Variants in SYT1 observed in about 807,000 individuals in gnomAD.
SYT1 encodes the protein synaptotagmin 1.
Under a neutral mutation model 44.8 loss-of-function variants are expected in SYT1, and 8 were observed. That is an observed-to-expected ratio of 0.18 (90% CI 0.10 to 0.32). The LOEUF is 0.32. Ranked by LOEUF, SYT1 falls within the 10% of genes least tolerant of loss-of-function variation. The pLI, the probability that SYT1 is intolerant of heterozygous loss-of-function variation, is 1.00. For missense variants in SYT1, 286 were observed against 509.3 expected, an observed-to-expected ratio of 0.56 and a Z score of 4.22; for synonymous variants, 154 against 188.8, an observed-to-expected ratio of 0.82 and a Z score of 1.51.
intron 4 of SYT1, among the ~76,000 whole-genome samples, chr12:79,276,000 C>A (rs1186361397): frequency 6.6e-6 from 1 of 152,142 alleles, no homozygotes; most frequent in Non-Finnish European, 1.5e-5. Context: ...ACATGGAAAG[C>A]ACCCAGAGCC....
chr12:78,876,489 A>G lies in SYT1; in HGVS notation c.-217+11380A>G, dbSNP rs573008038. Among the ~76,000 whole-genome samples, 12 of 125,934 alleles carry G rather than the reference A, an allele frequency of 9.5e-5. No homozygotes were observed. In the South Asian group the frequency reaches 1.7e-3, roughly 17 times the overall value. 82.6% of individuals were successfully genotyped at this position (125,934 alleles called of 152,430 possible). On this transcript the variant is annotated intron_variant, in intron 1 of 10. Coordinates refer to ENST00000261205, the MANE Select transcript of SYT1 (RefSeq NM_005639.3). ...TTTTTTTTTTTTTTTTTTTTGCCAA[A>G]CTACTCTGCTCCATCAGGCTCTTTT...
At chr12:78,982,562 G>C (rs931388871) in intron 2 of SYT1, among the ~76,000 whole-genome samples, 6 of 152,028 alleles carry the variant, frequency 3.9e-5, no homozygotes, top group Admixed American at 1.3e-4. Context: ...AGTGTCTTAG[G>C]GCAGAAATGG....
chr12:79,159,534 G>A (rs896110271), intron 3 of SYT1, among the ~76,000 whole-genome samples: 1 of 152,088 alleles, frequency 6.6e-6, no homozygotes, highest in Admixed American at 6.6e-5. Context: ...TATTATAATT[G>A]TTCTATCTTA....
chr12:79,291,741 G>A (rs1482382552), intron 5 of SYT1: 2 of 542,290 alleles, frequency 3.7e-6, no homozygotes, highest in Admixed American at 2.2e-5. Flanking sequence ...CACTTTCTTT[G>A]CAACAATGTT....
intron 2 of SYT1, among the ~76,000 whole-genome samples, chr12:79,019,242 A>G (rs1034941345): frequency 2.6e-5 from 4 of 152,002 alleles, no homozygotes; most frequent in Non-Finnish European, 2.9e-5. Flanking sequence ...GTCTATAAAT[A>G]TATACAAATA....
chr12:79,135,269 A>G, intron 3 of SYT1, among the ~76,000 whole-genome samples: 1 of 123,278 alleles, frequency 8.1e-6, no homozygotes. Context: ...CCATCCCACA[A>G]CAGTCCCCAG....
At chr12:79,335,859 A>C (rs1882066679) in intron 8 of SYT1, among the ~76,000 whole-genome samples, 1 of 152,210 alleles carries the variant, frequency 6.6e-6, no homozygotes, top group African/African-American at 2.4e-5. Context: ...CTGGATTAAA[A>C]GCAGCTGGAA....
chr12:79,039,564 G>C (rs1160424255), intron 2 of SYT1, among the ~76,000 whole-genome samples: 1 of 150,862 alleles, frequency 6.6e-6, no homozygotes, highest in Non-Finnish European at 1.5e-5. Context: ...GAATAAAATA[G>C]TTTTTTAATT....
intron 3 of SYT1, among the ~76,000 whole-genome samples, chr12:79,073,725 C>A (rs972369824): frequency 6.6e-6 from 1 of 152,064 alleles, no homozygotes; most frequent in Admixed American, 6.6e-5. Context: ...TTGTTGTTGG[C>A]CAGAATTACT....
At chr12:78,919,955 T>A (rs1414507412) in intron 1 of SYT1, among the ~76,000 whole-genome samples, 1 of 151,924 alleles carries the variant, frequency 6.6e-6, no homozygotes, top group Non-Finnish European at 1.5e-5. Context: ...GTGATCTGAT[T>A]TATGTATGCA....
chr12:78,891,029 A>G lies in SYT1; in HGVS notation c.-217+25920A>G, dbSNP rs141803484. On this transcript the variant is annotated intron_variant, in intron 1 of 10. Coordinates refer to ENST00000261205, the MANE Select transcript of SYT1 (RefSeq NM_005639.3). The stretch of plus-strand genomic sequence containing the variant: ...TTCCTCATGTATATGTGTATTACCT[A>G]TCTTCTCACCCAAACTATAATATTC... Among the ~76,000 whole-genome samples, 30 of 152,016 alleles carry G rather than the reference A, an allele frequency of 2.0e-4. No individual in the cohort carries two copies. The East Asian group carries it at 5.7e-3, about 29-fold the overall frequency.
At chr12:79,021,798 T>G (rs923547084) in intron 2 of SYT1, among the ~76,000 whole-genome samples, 1 of 151,858 alleles carries the variant, frequency 6.6e-6, no homozygotes, top group African/African-American at 2.4e-5. Flanking sequence ...TCTTTTTATT[T>G]GATTTTTCAA....
intron 3 of SYT1, among the ~76,000 whole-genome samples, chr12:79,172,314 A>T (rs528603700): frequency 6.6e-6 from 1 of 152,100 alleles, no homozygotes; most frequent in Non-Finnish European, 1.5e-5. Flanking sequence ...GAACAGTTAC[A>T]TGAAGAGTGC....
chr12:79,309,971 G>A (rs1410511402), intron 8 of SYT1, among the ~76,000 whole-genome samples: 1 of 152,100 alleles, frequency 6.6e-6, no homozygotes, highest in East Asian at 1.9e-4. Flanking sequence ...TAGGTTGCCT[G>A]TTCACTCTGA....
chr12:79,008,192 A>G (rs907130083), intron 2 of SYT1, among the ~76,000 whole-genome samples: 8 of 152,020 alleles, frequency 5.3e-5, no homozygotes, highest in African/African-American at 1.9e-4. Flanking sequence ...CCTAAAGAAT[A>G]ACAACCATCC....
At chr12:79,203,476 C>T (rs1328917538) in intron 3 of SYT1, among the ~76,000 whole-genome samples, 1 of 152,128 alleles carries the variant, frequency 6.6e-6, no homozygotes, top group Admixed American at 6.6e-5. Flanking sequence ...AACAGAATTC[C>T]TCTTATATTG....
intron 2 of SYT1, among the ~76,000 whole-genome samples, chr12:78,989,325 C>T (rs1412331663): frequency 1.3e-5 from 2 of 151,970 alleles, no homozygotes; most frequent in East Asian, 3.9e-4. Context: ...TAAAGAATAC[C>T]TTACTAAAAT....
intron 9 of SYT1, among the ~76,000 whole-genome samples, chr12:79,405,753 G>C (rs1220773775): frequency 6.6e-6 from 1 of 152,066 alleles, no homozygotes; most frequent in Non-Finnish European, 1.5e-5. Flanking sequence ...ATGCCATCAG[G>C]GACCTGTGTT....
In SYT1 at chr12:79,136,913, G is replaced by C. The variant is rs1869228581; in HGVS notation, c.-17-80590G>C. Among the ~76,000 whole-genome samples the C allele has an allele frequency of 2.0e-5, 3 of 152,050 alleles. No homozygotes were observed. The South Asian group carries it at 6.2e-4, about 32-fold the overall frequency. ...CAAGTATTACTTATTTAGGAAACAA[G>C]AAAAATTATAAAATGTTTTTACTAT... On this transcript the variant is annotated intron_variant, in intron 3 of 10. Transcript: ENST00000261205.
Sources: allele counts gnomAD v4.1 joint callset (sites outside exome capture counted in the v4.1 genomes callset), GRCh38; gene constraint gnomAD v4.1.1; transcripts MANE v1.5; gene names NCBI Gene and HGNC (gene_info 2026-07-23, HGNC 2026-07-21).